Variants in ROBO1 observed in about 807,000 individuals in gnomAD.
ROBO1 encodes roundabout homolog 1.
A neutral mutation model predicts 195.9 loss-of-function variants in ROBO1; 149 were observed. The observed-to-expected ratio is 0.76, with a 90% CI of 0.67 to 0.87. ROBO1 has a LOEUF of 0.87. Ranked by LOEUF, ROBO1 falls within the 40% of genes least tolerant of loss-of-function variation. ROBO1 has a pLI of 0.00. For missense variants in ROBO1, 1,933 were observed against 2,068.3 expected, an observed-to-expected ratio of 0.93 and a Z score of 1.27; for synonymous variants, 816 against 733.2, an observed-to-expected ratio of 1.11 and a Z score of -1.82.
intron 3 of ROBO1, among the ~76,000 whole-genome samples, chr3:78,944,404 C>A (rs2040302770): frequency 1.3e-5 from 2 of 152,336 alleles, no homozygotes; most frequent in African/African-American, 2.4e-5. Context: ...ACACAGAAGG[C>A]AGCCATCTAT....
At chr3:78,686,448 G>A (rs1393446684) in intron 9 of ROBO1, among the ~76,000 whole-genome samples, 9 of 151,794 alleles carry the variant, frequency 5.9e-5, no homozygotes, top group South Asian at 2.1e-4. Context: ...CCAGCTACTC[G>A]GGAGGCTGAG....
intron 2 of ROBO1, among the ~76,000 whole-genome samples, chr3:79,254,407 C>T (rs966319667): frequency 6.6e-6 from 1 of 151,788 alleles, no homozygotes; most frequent in African/African-American, 2.4e-5. Context: ...TTAATTCCTC[C>T]AATTCTTGAC....
chr3:78,685,836 C>CA lies in ROBO1; in HGVS notation c.1251dup (p.Val418CysfsTer5), dbSNP rs1559745532. On this transcript the variant is annotated frameshift_variant, in exon 10 of 31. Transcript: ENST00000464233. LOFTEE classifies it high-confidence loss of function. ...TAATAACCAACATCAGATCGCTGGA[C>CA]ATTAGTAATTGTGAGGTCGCCAGTC... 1 of 1,611,428 alleles carries CA rather than the reference C, an allele frequency of 6.2e-7. No homozygotes were observed. The highest frequency in any genetic ancestry group is 1.1e-5 in the South Asian group (1 of 90,678).
At chr3:78,721,130 G>A (rs186166211) in intron 5 of ROBO1, among the ~76,000 whole-genome samples, 28 of 152,010 alleles carry the variant, frequency 1.8e-4, no homozygotes, top group South Asian at 1.5e-3. Context: ...TTGGCTATAC[G>A]AGTTGTACAA....
At position 79,098,613 on chromosome 3, in the gene ROBO1, C is replaced by T. The variant is rs192150561; in HGVS notation, c.172+26843G>A. On this transcript the variant is annotated intron_variant, in intron 3 of 30. Coordinates refer to ENST00000464233, the MANE Select transcript of ROBO1 (RefSeq NM_002941.4). ...GGGAATAAACTTCTAAACTATGTAG[C>T]ATGACTATATATAAGAAACAGATGA... Among the ~76,000 whole-genome samples, 590 of 151,862 alleles carry T rather than the reference C, an allele frequency of 3.9e-3. 5 individuals carry two copies. Among genetic ancestry groups the T allele is most frequent in the Middle Eastern group, 0.01 (3 of 294 alleles).
In ROBO1 at chr3:78,636,038, A is replaced by T. The variant is rs1705476568; in HGVS notation, c.3108T>A (p.Thr1036=). 1 of 1,613,732 alleles carries T rather than the reference A, an allele frequency of 6.2e-7. No homozygotes were observed. The highest frequency in any genetic ancestry group is 1.3e-5 in the African/African-American group (1 of 74,924). The change falls in exon 23 of 31, where the codon ACT becomes ACA. Residue 1036 remains threonine (T), a synonymous_variant. Coordinates refer to ENST00000464233, the MANE Select transcript of ROBO1 (RefSeq NM_002941.4). ...TACTAAGGTCCACATCACCATAAAC[A>T]GTTGACTCAGGGAGCATCAGATTTG... is the stretch of plus-strand genomic sequence containing the variant. ...KQTNLMLPES[T]VYGDVDLSNK... is the part of the protein sequence containing the mutation.
At chr3:78,847,326 A>C (rs1055856037) in intron 4 of ROBO1, among the ~76,000 whole-genome samples, 1 of 152,172 alleles carries the variant, frequency 6.6e-6, no homozygotes, top group East Asian at 1.9e-4. Context: ...TATCTTACAT[A>C]ATAGGGACCA....
intron 8 of ROBO1, among the ~76,000 whole-genome samples, chr3:78,711,833 T>C (rs1329179057): frequency 6.6e-6 from 1 of 151,316 alleles, no homozygotes; most frequent in Non-Finnish European, 1.5e-5. Flanking sequence ...GAAATGCATA[T>C]TCACATTTCA....
At chr3:78,995,794 A>T (rs1349790159) in intron 3 of ROBO1, among the ~76,000 whole-genome samples, 1 of 151,816 alleles carries the variant, frequency 6.6e-6, no homozygotes, top group Admixed American at 6.6e-5. Flanking sequence ...AAAAGAAATT[A>T]AAAAGTAATA....
At chr3:78,621,934 C>T (rs1283718243) in intron 26 of ROBO1, among the ~76,000 whole-genome samples, 1 of 152,168 alleles carries the variant, frequency 6.6e-6, no homozygotes, top group Non-Finnish European at 1.5e-5. Flanking sequence ...AGTGTAGCTT[C>T]AGTTTCTTGT....
At chr3:79,175,027 T>C (rs1299200220) in intron 2 of ROBO1, among the ~76,000 whole-genome samples, 2 of 152,122 alleles carry the variant, frequency 1.3e-5, no homozygotes, top group Non-Finnish European at 2.9e-5. Context: ...CAGGAAAAAC[T>C]AAATGCCAGT....
chr3:78,942,183 C>A (rs2040178275), intron 3 of ROBO1, among the ~76,000 whole-genome samples: 1 of 151,948 alleles, frequency 6.6e-6, no homozygotes, highest in Admixed American at 6.6e-5. Flanking sequence ...CGCCTGTAAT[C>A]CCAGCAACTC....
chr3:79,137,581 A>T (rs2108602892), intron 2 of ROBO1, among the ~76,000 whole-genome samples: 1 of 152,184 alleles, frequency 6.6e-6, no homozygotes, highest in Middle Eastern at 3.4e-3. Context: ...TTATATGCAT[A>T]TATGTGTTCT....
chr3:79,109,401 A>G (rs944547445), intron 3 of ROBO1, among the ~76,000 whole-genome samples: 1 of 152,042 alleles, frequency 6.6e-6, no homozygotes, highest in African/African-American at 2.4e-5. Context: ...ACACAAATGT[A>G]ATAGACACTC....
intron 14 of ROBO1, among the ~76,000 whole-genome samples, chr3:78,666,494 C>T (rs1014131754): frequency 5.3e-5 from 8 of 152,180 alleles, no homozygotes; most frequent in African/African-American, 1.4e-4. Context: ...GACCACTGTA[C>T]TGGGGACAAA....
At chr3:78,697,981 C>G (rs1407012987) in intron 8 of ROBO1, among the ~76,000 whole-genome samples, 1 of 151,922 alleles carries the variant, frequency 6.6e-6, no homozygotes, top group Admixed American at 6.6e-5. Context: ...TCTGCTAATT[C>G]ATAGATATAA....
At chr3:79,286,028 G>A (rs956906072) in intron 2 of ROBO1, among the ~76,000 whole-genome samples, 6 of 152,112 alleles carry the variant, frequency 3.9e-5, no homozygotes, top group South Asian at 2.1e-4. Flanking sequence ...TGTGAGCTAC[G>A]TATAAACTTG....
At chr3:79,216,319 A>G (rs1419593929) in intron 2 of ROBO1, among the ~76,000 whole-genome samples, 1 of 152,044 alleles carries the variant, frequency 6.6e-6, no homozygotes, top group Non-Finnish European at 1.5e-5. Flanking sequence ...AGAAGGGAAC[A>G]ATCTCTTGTT....
At chr3:79,337,294 C>G (rs1250353871) in intron 2 of ROBO1, among the ~76,000 whole-genome samples, 1 of 152,160 alleles carries the variant, frequency 6.6e-6, no homozygotes, top group Non-Finnish European at 1.5e-5. Context: ...TTCCCACCCA[C>G]AATCTCATTT....
Sources: gnomAD v4.1 joint callset for allele counts (sites outside exome capture counted in the v4.1 genomes callset) on GRCh38, gnomAD v4.1.1 for gene constraint, MANE v1.5 for transcripts, NCBI Gene and HGNC (gene_info 2026-07-23, HGNC 2026-07-21) for gene names.